The following FGF14 variants were observed in gnomAD, a reference collection of about 807,000 sequenced individuals.
The protein encoded by FGF14 is fibroblast growth factor homologous factor 4.
A neutral mutation model predicts 25.5 loss-of-function variants in FGF14; 5 were observed. The observed-to-expected ratio is 0.20, with a 90% CI of 0.10 to 0.41. The LOEUF (loss-of-function observed/expected upper bound fraction) is 0.41. FGF14 is among the 10% of genes least tolerant of loss of function. The pLI is 1.00. For missense variants in FGF14, 222 were observed against 320.1 expected, an observed-to-expected ratio of 0.69 and a Z score of 2.34; for synonymous variants, 138 against 118.3, an observed-to-expected ratio of 1.17 and a Z score of -1.08.
intron 1 of FGF14, among the ~76,000 whole-genome samples, chr13:102,396,935 A>G (rs1035553644): frequency 1.3e-5 from 2 of 152,222 alleles, no homozygotes; most frequent in Admixed American, 6.5e-5. Flanking sequence ...TCTAAGGCCA[A>G]CTAATACTAC....
intron 1 of FGF14, among the ~76,000 whole-genome samples, chr13:102,399,542 T>C (rs1476285907): frequency 6.6e-6 from 1 of 152,148 alleles, no homozygotes; most frequent in African/African-American, 2.4e-5. Flanking sequence ...TGAGATAGTG[T>C]TGCAGATGTA....
intron 3 of FGF14, among the ~76,000 whole-genome samples, chr13:101,819,596 A>G (rs2042013045): frequency 6.6e-6 from 1 of 152,360 alleles, no homozygotes; most frequent in East Asian, 1.9e-4. Flanking sequence ...AGGATGTGAA[A>G]TTGAATCTTT....
At chr13:101,896,167 G>A (rs1337744418) in intron 1 of FGF14, among the ~76,000 whole-genome samples, 1 of 152,006 alleles carries the variant, frequency 6.6e-6, no homozygotes, top group Non-Finnish European at 1.5e-5. Context: ...TTACTATTAA[G>A]GTGGGGCAAT....
chr13:101,799,146 C>G (rs1412319792), intron 3 of FGF14, among the ~76,000 whole-genome samples: 1 of 152,086 alleles, frequency 6.6e-6, no homozygotes, highest in Non-Finnish European at 1.5e-5. Flanking sequence ...CAAGTCTCAG[C>G]ATAATTTGGC....
At chr13:102,072,531 T>G (rs2043194598) in intron 1 of FGF14, among the ~76,000 whole-genome samples, 1 of 152,156 alleles carries the variant, frequency 6.6e-6, no homozygotes, top group African/African-American at 2.4e-5. Context: ...CTTAACAAAT[T>G]TAATGATAGC....
At chr13:102,161,709 GAAGAAGAAGAAGAAGAAT>G (rs1566766045) in intron 1 of FGF14, among the ~76,000 whole-genome samples, 17 of 149,102 alleles carry the variant, frequency 1.1e-4, no homozygotes, top group South Asian at 2.1e-4. Context: ...AGAAGAAGAA[GAAGAAGAAGAAGAAGAAT>G]AGAAATGTGT....
At chr13:101,893,305 T>C (rs1328394304) in intron 1 of FGF14, among the ~76,000 whole-genome samples, 2 of 152,196 alleles carry the variant, frequency 1.3e-5, no homozygotes, top group Admixed American at 1.3e-4. Context: ...CTGCATGAAG[T>C]CAGCCTGGGT....
intron 1 of FGF14, among the ~76,000 whole-genome samples, chr13:102,276,298 T>TACACAC (rs57994075): frequency 0.11 from 13,390 of 118,040 alleles, 1,159 homozygotes; most frequent in African/African-American, 0.23. Flanking sequence ...AACTTGGAAA[T>TACACAC]ACACACACAC....
In FGF14 at chr13:102,275,234, T is replaced by TTCTCCCTCTCTC. The variant is rs2053455274; in HGVS notation, c.208+126236_208+126237insGAGAGAGGGAGA. ...ATCTGCCAACTGAGATTAGGCAGAT[T>TTCTCCCTCTCTC]TCTCTCTCTCTCTCTCTCTCTCTCT... On this transcript the variant is annotated intron_variant, in intron 1 of 4. Coordinates refer to the FGF14 transcript ENST00000376131. Among the ~76,000 whole-genome samples, 13 of 67,490 alleles carry TTCTCCCTCTCTC rather than the reference T, an allele frequency of 1.9e-4. No individual in the cohort carries two copies. The East Asian group carries it at 4.4e-3, about 23-fold the overall frequency. 44.3% of individuals were successfully genotyped at this position (67,490 alleles called of 152,430 possible).
chr13:101,925,066 G>C (rs2493587), intron 1 of FGF14, among the ~76,000 whole-genome samples: 122,004 of 152,118 alleles, frequency 0.8, 49,651 homozygotes, highest in East Asian at 1. Context: ...AATAAGAACC[G>C]AAAACTGTAG....
At chr13:101,756,072 C>A (rs145833268) in intron 3 of FGF14, among the ~76,000 whole-genome samples, 1 of 152,146 alleles carries the variant, frequency 6.6e-6, no homozygotes, top group Non-Finnish European at 1.5e-5. Context: ...TACGAGAGCA[C>A]AGCAGGCTGA....
At chr13:101,866,566 A>G (rs1039230641) in intron 3 of FGF14, among the ~76,000 whole-genome samples, 1 of 150,094 alleles carries the variant, frequency 6.7e-6, no homozygotes, top group Non-Finnish European at 1.5e-5. Flanking sequence ...TTGTACAAAT[A>G]TCATCACTAT....
intron 1 of FGF14, among the ~76,000 whole-genome samples, chr13:102,375,280 G>T (rs185313338): frequency 1.2e-3 from 179 of 152,232 alleles, no homozygotes; most frequent in Non-Finnish European, 1.6e-3. Context: ...CGATCCAGGG[G>T]CAGGTGCTCA....
At chr13:102,399,228 C>CA (rs1398472662) in intron 1 of FGF14, among the ~76,000 whole-genome samples, 2 of 151,572 alleles carry the variant, frequency 1.3e-5, no homozygotes, top group Admixed American at 6.6e-5. Flanking sequence ...AAATTGTTTA[C>CA]AAAAAAAATT....
At chr13:102,054,122 T>G (rs937547573) in intron 1 of FGF14, among the ~76,000 whole-genome samples, 19 of 152,284 alleles carry the variant, frequency 1.2e-4, no homozygotes, top group Non-Finnish European at 2.2e-4. Context: ...TGGGATAAAT[T>G]TGAGGCACAG....
chr13:101,923,266 A>G (rs2034134390), intron 1 of FGF14, among the ~76,000 whole-genome samples: 2 of 152,108 alleles, frequency 1.3e-5, no homozygotes, highest in Admixed American at 1.3e-4. Context: ...TCCAAAATTA[A>G]AGATAAAATA....
chr13:102,090,237 G>C (rs1285245514), intron 1 of FGF14, among the ~76,000 whole-genome samples: 1 of 152,160 alleles, frequency 6.6e-6, no homozygotes. Flanking sequence ...CAGGCTTATT[G>C]AATTTTTCAA....
At chr13:101,897,146 T>C (rs985325381) in intron 1 of FGF14, among the ~76,000 whole-genome samples, 1 of 152,182 alleles carries the variant, frequency 6.6e-6, no homozygotes, top group Admixed American at 6.6e-5. Flanking sequence ...TCCATAGACA[T>C]GTGGAAAGAT....
intron 1 of FGF14, among the ~76,000 whole-genome samples, chr13:102,310,628 CCTTT>C (rs1281258832): frequency 1.5e-5 from 2 of 134,452 alleles, no homozygotes; most frequent in East Asian, 4.6e-4. Context: ...AACCTTCTTT[CCTTT>C]CTGTCTCTCT....
Sources: gnomAD v4.1 joint callset for allele counts (sites outside exome capture counted in the v4.1 genomes callset) on GRCh38, gnomAD v4.1.1 for gene constraint, MANE v1.5 for transcripts, NCBI Gene and HGNC (gene_info 2026-07-23, HGNC 2026-07-21) for gene names.